Variants in SRRM2 observed in about 807,000 individuals in gnomAD.
The protein encoded by SRRM2 is serine/arginine repetitive matrix 2.
In SRRM2, 30 loss-of-function variants were observed where a neutral mutation model predicts 213.8. That is an observed-to-expected ratio of 0.14 (90% CI 0.10 to 0.19). SRRM2 has a LOEUF of 0.19. Among genes scored for constraint, SRRM2 ranks in the 10% least tolerant of loss-of-function variants. The pLI is 1.00. For synonymous variants in SRRM2, 2,025 were observed against 1,377.7 expected (o/e 1.47, Z -10.40); for missense variants, 4,904 against 3,647.0 (o/e 1.34, Z -8.88).
In SRRM2 at chr16:2,767,642, G is replaced by A. The variant is rs781223897; in HGVS notation, c.7114G>A (p.Ala2372Thr). ...CGCGAGCCTCACCAGTGCTAGGATG[G>A]CTCCAGCATTGTCTGGTGCAAACCT... ...APASLTSARM[A>T]PALSGANLTS... Residue 2372 changes from alanine (A) to threonine (T), a missense_variant, in exon 11 of 15, where the codon GCT (alanine) becomes ACT (threonine). Coordinates refer to ENST00000301740, the MANE Select transcript of SRRM2 (RefSeq NM_016333.4). 3.7e-6 allele frequency: 6 copies of A among 1,614,162 alleles called. No individual in the cohort carries two copies. The South Asian group carries it at 5.5e-5, about 15-fold the overall frequency.
Position 2,761,871 on chromosome 16 carries a change from G to A in SRRM2, c.1343G>A (p.Gly448Glu), listed in dbSNP as rs762188532. 1 of 1,612,074 alleles carries A rather than the reference G, an allele frequency of 6.2e-7. No individual in the cohort carries two copies. Among genetic ancestry groups the A allele is most frequent in the Non-Finnish European group, 8.5e-7 (1 of 1,179,966 alleles). ...AGTCCTAAACCTGCTCCAGCTCCAGGGTCCCACCGAGAGATTTCTTCTTCT... is the reference window on the plus strand; with the variant it reads ...AGTCCTAAACCTGCTCCAGCTCCAGAGTCCCACCGAGAGATTTCTTCTTCT... ...PESPKPAPAP[G>E]SHREISSSPT... Residue 448 changes from glycine (G) to glutamate (E), a missense_variant, in exon 11 of 15, where the codon GGG (glycine) becomes GAG (glutamate). Physicochemically the swap from Gly to Glu is moderately conservative, Grantham distance 98. Coordinates refer to ENST00000301740, the MANE Select transcript of SRRM2 (RefSeq NM_016333.4).
chr16:2,754,199 C>T (rs976838229), intron 1 of SRRM2, among the ~76,000 whole-genome samples: 2 of 151,984 alleles, frequency 1.3e-5, no homozygotes, highest in Admixed American at 6.6e-5. Context: ...GTGGGGTCGT[C>T]GTCTTTTTTT....
At position 2,762,981 on chromosome 16, in the gene SRRM2, GTTC is replaced by G. The variant is rs1351629545; in HGVS notation, c.2458_2460del (p.Ser820del). ...ACGCCACCCAGACGCAGTCGCTCCA[GTTC>G]TTCTCCGCCACCTAAACAGAAATCT... On this transcript the variant is annotated inframe_deletion, in exon 11 of 15. Coordinates refer to ENST00000301740, the MANE Select transcript of SRRM2 (RefSeq NM_016333.4). 13 of 1,613,946 alleles carry G rather than the reference GTTC, an allele frequency of 8.1e-6. No homozygotes were observed. The highest frequency in any genetic ancestry group is 3.3e-5 in the Admixed American group (2 of 59,996).
chr16:2,767,304 C>G lies in SRRM2; in HGVS notation c.6776C>G (p.Ser2259Cys). The change falls in exon 11 of 15, where the codon TCT becomes TGT. Residue 2259 changes from serine (S) to cysteine (C), a missense_variant. Transcript: ENST00000301740. ...CCAACAGCAGTGAACCTGGCTGACT[C>G]TCGAACGCCAGCTGCAGCAGCGGCC... ...AIPTAVNLADSRTPAAAAAMN... is the reference protein window; with the variant it reads ...AIPTAVNLADCRTPAAAAAMN... 1.2e-6 allele frequency: 2 copies of G among 1,614,050 alleles called. No homozygotes were observed. Among genetic ancestry groups the G allele is most frequent in the East Asian group, 2.2e-5 (1 of 44,890 alleles).
chr16:2,758,792 T>C, intron 5 of SRRM2, 193 bp from the exon 6 acceptor site: 1 of 711,164 alleles, frequency 1.4e-6, no homozygotes, highest in Admixed American at 2.9e-5. Flanking sequence ...CTTTTTCATT[T>C]TGAGGTTTGT....
intron 13 of SRRM2, 66 bp downstream of exon 13, chr16:2,770,531 A>G (rs897527560): frequency 1.9e-6 from 3 of 1,558,494 alleles, no homozygotes; most frequent in African/African-American, 2.7e-5. Context: ...CAAAGAAGAA[A>G]GCTTTGCGGT....
Position 2,767,474 on chromosome 16 carries a change from A to G in SRRM2, c.6946A>G (p.Thr2316Ala). 1.2e-6 allele frequency: 2 copies of G among 1,614,168 alleles called. No individual in the cohort carries two copies. The highest frequency in any genetic ancestry group is 1.7e-6 in the Non-Finnish European group (2 of 1,180,014). The change falls in exon 11 of 15, where the codon ACA (threonine) becomes GCA (alanine). Residue 2316 changes from threonine to alanine, a missense_variant. Transcript: ENST00000301740. ...AGCTCTGAGTCTCACAGGCTCTGGC[A>G]CACCACCAACTGCTGCAAACTATCC... ...LAALSLTGSGTPPTAANYPSS... is the reference protein window; with the variant it reads ...LAALSLTGSGAPPTAANYPSS...
At chr16:2,759,217 G>C (rs1457190627) in intron 7 of SRRM2, 45 bp downstream of exon 7, 6 of 1,607,638 alleles carry the variant, frequency 3.7e-6, no homozygotes, top group Non-Finnish European at 4.2e-6. Flanking sequence ...CATGTGGAGT[G>C]GTGATTTTTT....
Position 2,763,926 on chromosome 16 carries a change from C to T in SRRM2, c.3398C>T (p.Pro1133Leu). The change falls in exon 11 of 15, where the codon CCT becomes CTT. Residue 1133 changes from proline (P) to leucine (L), a missense_variant. Coordinates refer to ENST00000301740, the MANE Select transcript of SRRM2 (RefSeq NM_016333.4). Reference sequence around the variant, plus strand: ...CCTATGTTGAAATCTGGAATGTCTCCTGAGCAGAGCAGGTTCCAGTCTGAC... The same window carrying T: ...CCTATGTTGAAATCTGGAATGTCTCTTGAGCAGAGCAGGTTCCAGTCTGAC... ...ASPMLKSGMS[P>L]EQSRFQSDSS... 1 of 1,614,198 alleles carries T rather than the reference C, an allele frequency of 6.2e-7. No homozygotes were observed.
Position 2,763,614 on chromosome 16 carries a change from G to T in SRRM2, c.3086G>T (p.Cys1029Phe), listed in dbSNP as rs2068440015. 6.2e-7 allele frequency: 1 copy of T among 1,614,080 alleles called. No homozygotes were observed. Among genetic ancestry groups the T allele is most frequent in the African/African-American group, 1.3e-5 (1 of 75,032 alleles). ...EKSKDSLVQS[C>F]PGSLSLCAGV... ...TCTAAAGACTCACTAGTTCAAAGTT[G>T]CCCTGGATCCCTCTCTCTCTGTGCA... The change falls in exon 11 of 15, where the codon TGC (cysteine) becomes TTC (phenylalanine). Residue 1029 changes from cysteine to phenylalanine, a missense_variant. Transcript: ENST00000301740.
chr16:2,769,459 G>C, intron 12 of SRRM2, 175 bp downstream of exon 12: 1 of 764,030 alleles, frequency 1.3e-6, no homozygotes, highest in Non-Finnish European at 2.1e-6. Context: ...TTCTGGCGAA[G>C]GGCTGCGCCA....
rs529867836 is a variant in SRRM2 at position 2,762,395 on chromosome 16, C to G, written c.1867C>G (p.Arg623Gly). The change falls in exon 11 of 15, where the codon CGC becomes GGC. Residue 623 changes from arginine to glycine, a missense_variant. Arg to Gly is a moderately radical substitution (Grantham distance 125). Transcript: ENST00000301740. ...GRSRSRTPAR[R>G]RSRTRSPVRR... ...GTCTCGGTCTAGAACACCTGCTAGG[C>G]GCAGATCTAGGACCCGATCACCAGT... The G allele has an allele frequency of 1.2e-6, 2 of 1,613,918 alleles. No homozygotes were observed. The highest frequency in any genetic ancestry group is 1.3e-5 in the African/African-American group (1 of 74,866).
At chr16:2,756,164 A>T (rs1362448567) in intron 1 of SRRM2, among the ~76,000 whole-genome samples, 170 bp from the exon 2 acceptor site, 1 of 152,226 alleles carries the variant, frequency 6.6e-6, no homozygotes, top group African/African-American at 2.4e-5. Flanking sequence ...AAGGGCAAAG[A>T]AGTGGTTTTC....
rs34275340 is a variant in SRRM2, at chr16:2,763,367, C to A, written c.2839C>A (p.Pro947Thr). Residue 947 changes from proline (P) to threonine (T), a missense_variant, in exon 11 of 15, where the codon CCA becomes ACA. Physicochemically the swap from Pro to Thr is conservative, Grantham distance 38 (BLOSUM62 -1). Transcript: ENST00000301740. ...TAGTAGGGTGACGTCGAGAACAACTCCACGGCGAAGCAGATCAGTATCTCC... is the reference window on the plus strand; with the variant it reads ...TAGTAGGGTGACGTCGAGAACAACTACACGGCGAAGCAGATCAGTATCTCC... ...SPSRVTSRTT[P>T]RRSRSVSPCS... 11 of 1,614,194 alleles carry A rather than the reference C, an allele frequency of 6.8e-6. No individual in the cohort carries two copies. The highest frequency in any genetic ancestry group is 6.7e-5 in the East Asian group (3 of 44,884).
Position 2,767,918 on chromosome 16 carries a change from G to A in SRRM2, c.7390G>A (p.Ala2464Thr), listed in dbSNP as rs748647867. The A allele has an allele frequency of 2.5e-6, 4 of 1,614,118 alleles. No individual in the cohort carries two copies. The Admixed American group carries it at 6.7e-5, about 27-fold the overall frequency. ...AFSDQSRCLI[A>T]QTTPVAGSQS... ...TTCAGACCAATCCCGTTGTTTGATT[G>A]CCCAGACCACCCCTGTAGCAGGGTC... Residue 2464 changes from alanine (A) to threonine (T), a missense_variant, in exon 11 of 15, where the codon GCC becomes ACC. Coordinates refer to ENST00000301740, the MANE Select transcript of SRRM2 (RefSeq NM_016333.4).
Position 2,756,469 on chromosome 16 carries a change from C to T in SRRM2, c.105C>T (p.Asp35=), listed in dbSNP as rs2068145975. Residue 35 remains aspartate (D), a synonymous_variant, in exon 2 of 15, where the codon GAC becomes GAT. Coordinates refer to ENST00000301740, the MANE Select transcript of SRRM2 (RefSeq NM_016333.4). ...LVRGRRGERP[D]YKGEEELRRL... is the part of the protein sequence containing the mutation. ...GGGGCCGCCGGGGTGAGCGGCCTGA[C>T]TACAAGGGAGAGGAGGAACTGCGGC... 2.5e-6 allele frequency: 4 copies of T among 1,613,632 alleles called. No homozygotes were observed.
intron 5 of SRRM2, 30 bp downstream of exon 5, chr16:2,758,577 C>A (rs1596266869): frequency 6.3e-7 from 1 of 1,583,954 alleles, no homozygotes; most frequent in Non-Finnish European, 8.7e-7. Context: ...ACTCTGATAG[C>A]CAGAGGACCA....
Position 2,765,312 on chromosome 16 carries a change from G to T in SRRM2, c.4784G>T (p.Arg1595Leu), listed in dbSNP as rs200200979. The change falls in exon 11 of 15, where the codon CGC becomes CTC. Residue 1595 changes from arginine (R) to leucine (L), a missense_variant. Coordinates refer to ENST00000301740, the MANE Select transcript of SRRM2 (RefSeq NM_016333.4). ...AGCAAATCTCGACTATCCCCTCGGC[G>T]CAGTAGGTCTGGTTCCTCCCCTGAA... ...VDSKSRLSPR[R>L]SRSGSSPEVK... 2.5e-6 allele frequency: 4 copies of T among 1,614,094 alleles called. No individual in the cohort carries two copies. In the Admixed American group the frequency reaches 5.0e-5, roughly 20 times the overall value.
intron 1 of SRRM2, among the ~76,000 whole-genome samples, chr16:2,753,100 G>C (rs115702132): frequency 6.6e-6 from 1 of 150,800 alleles, no homozygotes; most frequent in African/African-American, 2.4e-5. Flanking sequence ...GTTCGCGAGC[G>C]CCCTTGGTGA....
Sources: allele counts gnomAD v4.1 joint callset (sites outside exome capture counted in the v4.1 genomes callset), GRCh38; gene constraint gnomAD v4.1.1; transcripts MANE v1.5; gene names NCBI Gene and HGNC (gene_info 2026-07-23, HGNC 2026-07-21).